Variants in ONECUT2 observed in about 807,000 individuals in gnomAD.
ONECUT2 encodes one cut homeobox 2, also known as one cut domain family member 2.
A neutral mutation model predicts 27.9 loss-of-function variants in ONECUT2; 10 were observed. The ratio of observed to expected loss-of-function variants is 0.36; its 90% confidence interval spans 0.22 to 0.61. The LOEUF (loss-of-function observed/expected upper bound fraction) is 0.61, where lower values mean the gene tolerates loss of function less well. Ranked by LOEUF, ONECUT2 falls within the 20% of genes least tolerant of loss-of-function variation. The pLI, the probability that ONECUT2 is intolerant of heterozygous loss-of-function variation, is 0.73. For missense variants in ONECUT2, 686 were observed against 721.0 expected (o/e 0.95, Z 0.56); for synonymous variants, 334 against 315.1 (o/e 1.06, Z -0.64).
Position 57,436,952 on chromosome 18 carries a change from C to G in ONECUT2, c.1228+8C>G, listed in dbSNP as rs2144283665. Reference sequence around the variant, plus strand: ...CCGCCTTACGCCTGGCAGGTAAGGCCGGGGCTAGCCAGGGGCCAGGCTGCT... The same window carrying G: ...CCGCCTTACGCCTGGCAGGTAAGGCGGGGGCTAGCCAGGGGCCAGGCTGCT... On this transcript the variant is annotated splice_region_variant and intron_variant, in intron 1 of 1. Transcript: ENST00000491143. The surrounding 1 kb of genome is among the most constrained non-coding windows in gnomAD (Gnocchi z 5.9). The G allele has an allele frequency of 6.3e-7, 1 of 1,575,606 alleles. No individual in the cohort carries two copies. Among genetic ancestry groups the G allele is most frequent in the East Asian group, 2.4e-5 (1 of 42,540 alleles).
chr18:57,471,867 T>C (rs2050356091), intron 1 of ONECUT2, among the ~76,000 whole-genome samples: 1 of 152,176 alleles, frequency 6.6e-6, no homozygotes. Flanking sequence ...ACATAGGACC[T>C]GCTTCCCTGT....
Position 57,436,565 on chromosome 18 carries a change from C to T in ONECUT2, c.849C>T (p.Thr283=). ...GEQHLSRGLG[T]PPAAMMSHLN... Reference sequence around the variant, plus strand: ...AACACCTGTCCCGCGGCCTGGGCACCCCACCTGCGGCCATGATGTCGCACC... The same window carrying T: ...AACACCTGTCCCGCGGCCTGGGCACTCCACCTGCGGCCATGATGTCGCACC... Residue 283 remains threonine (T), a synonymous_variant, in exon 1 of 2, where the codon ACC becomes ACT. Transcript: ENST00000491143. This position sits in a 1 kb window ranked among gnomAD's most constrained non-coding sequence, Gnocchi z 5.9. The T allele has an allele frequency of 1.2e-6, 2 of 1,611,324 alleles. No individual in the cohort carries two copies. The highest frequency in any genetic ancestry group is 1.7e-6 in the Non-Finnish European group (2 of 1,179,884).
rs1310410920 is a variant in ONECUT2 at position 57,480,708 on chromosome 18, A to G, written c.*3985A>G. ...CATACATATATAAATATATATGTGTATCTATACAGTTATGTATCAAAATTT... is the reference window on the plus strand; with the variant it reads ...CATACATATATAAATATATATGTGTGTCTATACAGTTATGTATCAAAATTT... On this transcript the variant is annotated 3_prime_UTR_variant, in exon 2 of 2. Coordinates refer to ENST00000491143, the MANE Select transcript of ONECUT2 (RefSeq NM_004852.3). 6.6e-6 allele frequency: 1 copy of G among 152,170 alleles called. No homozygotes were observed. The highest frequency in any genetic ancestry group is 2.4e-5 in the African/African-American group (1 of 41,444). The allele number at this position is 152,170 out of a possible 1,614,324, so 9.4% of individuals were successfully genotyped here. A position where few individuals can be genotyped will look rare whatever the true frequency, so the allele number is the denominator to read the frequency against.
intron 1 of ONECUT2, among the ~76,000 whole-genome samples, chr18:57,439,888 C>T (rs1033467855): frequency 6.6e-6 from 1 of 152,216 alleles, no homozygotes; most frequent in African/African-American, 2.4e-5. Flanking sequence ...TGCCAAACAG[C>T]CAAGCAGGCC....
intron 1 of ONECUT2, among the ~76,000 whole-genome samples, chr18:57,439,959 T>G (rs2050165377): frequency 6.6e-6 from 1 of 152,248 alleles, no homozygotes; most frequent in South Asian, 2.1e-4. Context: ...AAGCTCACCC[T>G]TAGGCGAGGT....
chr18:57,449,669 A>G (rs930115209), intron 1 of ONECUT2, among the ~76,000 whole-genome samples: 1 of 152,174 alleles, frequency 6.6e-6, no homozygotes, highest in Non-Finnish European at 1.5e-5. Flanking sequence ...CTCCCCAGTC[A>G]GTCAGTTCTC....
rs900463573 is a variant in ONECUT2 at position 57,487,257 on chromosome 18, A to G, written c.*10534A>G. On this transcript the variant is annotated 3_prime_UTR_variant, in exon 2 of 2. Transcript: ENST00000491143. ...CTAATTTTTGAGTTAGCCAATTTGC[A>G]TTCCACAAATTGGGATCCTCATAAC... is the stretch of plus-strand genomic sequence containing the variant. The G allele has an allele frequency of 1.3e-5, 2 of 152,410 alleles. No homozygotes were observed. The highest frequency in any genetic ancestry group is 2.9e-5 in the Non-Finnish European group (2 of 68,038). 9.4% of individuals were successfully genotyped at this position (152,410 alleles called of 1,614,324 possible).
At chr18:57,451,175 G>A (rs535985892) in intron 1 of ONECUT2, among the ~76,000 whole-genome samples, 4 of 152,280 alleles carry the variant, frequency 2.6e-5, no homozygotes, top group African/African-American at 4.8e-5. Context: ...ATGTTTTGAC[G>A]TTCATATTAC....
At chr18:57,449,925 C>A (rs1300770478) in intron 1 of ONECUT2, among the ~76,000 whole-genome samples, 2 of 152,196 alleles carry the variant, frequency 1.3e-5, no homozygotes, top group Non-Finnish European at 2.9e-5. Flanking sequence ...TTACACTGCT[C>A]TCTAGGTCTT....
chr18:57,467,372 G>T (rs1463420285), intron 1 of ONECUT2, among the ~76,000 whole-genome samples: 8 of 146,958 alleles, frequency 5.4e-5, no homozygotes, highest in African/African-American at 1.7e-4. Flanking sequence ...TTGTTTGTTT[G>T]TTTTTTTTCC....
chr18:57,454,090 T>C (rs1315813299), intron 1 of ONECUT2, among the ~76,000 whole-genome samples: 1 of 152,220 alleles, frequency 6.6e-6, no homozygotes, highest in Non-Finnish European at 1.5e-5. Context: ...CATTGTTAAT[T>C]AGCCTTTGAA....
intron 1 of ONECUT2, among the ~76,000 whole-genome samples, chr18:57,468,898 G>A (rs2050338577): frequency 6.6e-6 from 1 of 152,128 alleles, no homozygotes; most frequent in South Asian, 2.1e-4. Context: ...ATGCAGATTA[G>A]TTCCAAAGGA....
At chr18:57,437,068 CCT>C (rs1412050977) in intron 1 of ONECUT2, 124 bp downstream of exon 1, 2 of 1,423,556 alleles carry the variant, frequency 1.4e-6, no homozygotes, top group Non-Finnish European at 1.8e-6. Context: ...CTATACACGT[CCT>C]CTTTCTTCTC....
In ONECUT2 at chr18:57,462,733, T is replaced by C. The variant is rs1347544525; in HGVS notation, c.1229-13704T>C. On this transcript the variant is annotated intron_variant, in intron 1 of 1. Transcript: ENST00000491143. ...TATGTTATTTTCTTTCTTTTTTTTTTTTTTTTTTTTTTTTTGAGACAGAGT... is the reference window on the plus strand; with the variant it reads ...TATGTTATTTTCTTTCTTTTTTTTTCTTTTTTTTTTTTTTTGAGACAGAGT... Among the ~76,000 whole-genome samples the C allele has an allele frequency of 2.0e-4, 29 of 142,300 alleles. 1 individual carries two copies. Among genetic ancestry groups the C allele is most frequent in the Admixed American group, 1.9e-3 (28 of 14,506 alleles). The allele number at this position is 142,300 out of a possible 152,430, so 93.4% of individuals were successfully genotyped here. A position where few individuals can be genotyped will look rare whatever the true frequency, so the allele number is the denominator to read the frequency against.
At position 57,436,580 on chromosome 18, in the gene ONECUT2, G is replaced by A. The variant is rs1340892026; in HGVS notation, c.864G>A (p.Met288Ile). 3 of 1,610,792 alleles carry A rather than the reference G, an allele frequency of 1.9e-6. No homozygotes were observed. The highest frequency in any genetic ancestry group is 1.1e-5 in the South Asian group (1 of 91,078). Residue 288 changes from methionine to isoleucine, a missense_variant, in exon 1 of 2, where the codon ATG becomes ATA. Transcript: ENST00000491143. The surrounding 1 kb of genome is among the most constrained non-coding windows in gnomAD (Gnocchi z 5.9). ...SRGLGTPPAA[M>I]MSHLNGLHHP... ...GCCTGGGCACCCCACCTGCGGCCAT[G>A]ATGTCGCACCTGAACGGCCTGCACC...
chr18:57,437,746 C>T (rs1190487385), intron 1 of ONECUT2, among the ~76,000 whole-genome samples: 1 of 152,266 alleles, frequency 6.6e-6, no homozygotes, highest in East Asian at 1.9e-4. Context: ...GCCTTGCTCA[C>T]CGGCCGTCCT....
intron 1 of ONECUT2, among the ~76,000 whole-genome samples, chr18:57,470,562 C>T (rs1256945544): frequency 2.0e-5 from 3 of 152,146 alleles, no homozygotes; most frequent in African/African-American, 7.2e-5. Context: ...AAACTGACAA[C>T]CCTGGACTGG....
intron 1 of ONECUT2, among the ~76,000 whole-genome samples, chr18:57,444,096 G>A (rs527874745): frequency 1.3e-5 from 2 of 152,132 alleles, no homozygotes; most frequent in East Asian, 1.9e-4. Context: ...AAAATTAAGG[G>A]GAAAAGAACC....
intron 1 of ONECUT2, among the ~76,000 whole-genome samples, chr18:57,471,834 C>A (rs75733641): frequency 0.01 from 1,524 of 152,246 alleles, 34 homozygotes; most frequent in African/African-American, 0.035. Context: ...TGGAAGCGAG[C>A]GCTTGGCCTT....
Sources: allele counts gnomAD v4.1 joint callset (sites outside exome capture counted in the v4.1 genomes callset), GRCh38; gene constraint gnomAD v4.1.1; non-coding constraint Gnocchi (gnomAD v3.1); transcripts MANE v1.5; gene names NCBI Gene and HGNC (gene_info 2026-07-23, HGNC 2026-07-21).